LIPC: variants seen among roughly 807,000 people sequenced by gnomAD.
LIPC encodes the protein lipase C, hepatic type, also known as hepatic triacylglycerol lipase.
A neutral mutation model predicts 50.7 loss-of-function variants in LIPC; 44 were observed. The observed-to-expected ratio is 0.87, with a 90% CI of 0.68 to 1.11. LIPC has a LOEUF of 1.11. LIPC is among the 50% of genes most tolerant of loss of function. The pLI, the probability that LIPC is intolerant of heterozygous loss-of-function variation, is 0.00. For missense variants in LIPC, 697 were observed against 648.2 expected, an observed-to-expected ratio of 1.08 and a Z score of -0.82; for synonymous variants, 271 against 256.4, an observed-to-expected ratio of 1.06 and a Z score of -0.54.
At chr15:58,503,812 AG>A (rs749115710) in intron 1 of LIPC, among the ~76,000 whole-genome samples, 4 of 152,160 alleles carry the variant, frequency 2.6e-5, no homozygotes, top group Non-Finnish European at 4.4e-5. Flanking sequence ...ACCAAGGAGT[AG>A]GCATGCCAGG....
At chr15:58,538,311 C>T (rs529687421) in intron 1 of LIPC, 22 bp from the exon 2 acceptor site, 54 of 1,612,916 alleles carry the variant, frequency 3.3e-5, no homozygotes, top group Non-Finnish European at 4.2e-5. Flanking sequence ...GGCTAAGCAC[C>T]GTCCCCAATC....
At chr15:58,503,113 T>C (rs1892040064) in intron 1 of LIPC, among the ~76,000 whole-genome samples, 2 of 152,132 alleles carry the variant, frequency 1.3e-5, no homozygotes, top group Non-Finnish European at 2.9e-5. Flanking sequence ...CAATAAATGA[T>C]TATTATGGAC....
chr15:58,472,493 T>G (rs1039653234), intron 1 of LIPC, among the ~76,000 whole-genome samples: 1 of 150,762 alleles, frequency 6.6e-6, no homozygotes, highest in African/African-American at 2.4e-5. Flanking sequence ...TGCGAATCAC[T>G]TGATCCTGGG....
intron 2 of LIPC, among the ~76,000 whole-genome samples, chr15:58,539,144 T>G (rs1487610521): frequency 6.6e-6 from 1 of 152,184 alleles, no homozygotes; most frequent in Non-Finnish European, 1.5e-5. Context: ...ATCACATCTT[T>G]ATTCCAGGAA....
At chr15:58,560,837 T>A (rs758387926) in intron 6 of LIPC, 27 bp from the exon 7 acceptor site, 20 of 890,480 alleles carry the variant, frequency 2.2e-5, no homozygotes, top group Admixed American at 1.0e-4. Flanking sequence ...ATTATCTCTC[T>A]CTTTCTCTCT....
At chr15:58,462,723 G>GTC (rs1894397877) in intron 1 of LIPC, among the ~76,000 whole-genome samples, 1 of 152,122 alleles carries the variant, frequency 6.6e-6, no homozygotes. Flanking sequence ...TCCTGTGTGG[G>GTC]AGGAGCACAG....
intron 1 of LIPC, among the ~76,000 whole-genome samples, chr15:58,457,367 C>T (rs1894168613): frequency 6.6e-6 from 1 of 152,206 alleles, no homozygotes; most frequent in Admixed American, 6.5e-5. Context: ...GCTTCAGCCT[C>T]CCAAAGTGCT....
intron 7 of LIPC, 101 bp downstream of exon 7, chr15:58,561,082 AC>A (rs1894145487): frequency 1.3e-6 from 1 of 770,098 alleles, no homozygotes; most frequent in Non-Finnish European, 2.4e-6. Context: ...AGCTACAACT[AC>A]TTTATTCCAG....
chr15:58,457,544 C>T (rs1894177875), intron 1 of LIPC, among the ~76,000 whole-genome samples: 1 of 152,216 alleles, frequency 6.6e-6, no homozygotes, highest in African/African-American at 2.4e-5. Context: ...CTCTGTGCCC[C>T]ACATCCCCTC....
intron 1 of LIPC, chr15:58,432,443 G>C (rs961464559): frequency 1.1e-5 from 4 of 361,968 alleles, no homozygotes; most frequent in Non-Finnish European, 2.1e-5. Flanking sequence ...AGATCTTCCT[G>C]AGAGTTAATG....
chr15:58,466,856 T>A (rs1262326891), intron 1 of LIPC, among the ~76,000 whole-genome samples: 1 of 152,206 alleles, frequency 6.6e-6, no homozygotes, highest in African/African-American at 2.4e-5. Flanking sequence ...TGTAATCACT[T>A]CGTAAAGTTG....
At chr15:58,512,431 A>C (rs938471187) in intron 1 of LIPC, among the ~76,000 whole-genome samples, 1 of 152,128 alleles carries the variant, frequency 6.6e-6, no homozygotes, top group Admixed American at 6.6e-5. Context: ...ACAATGTTTT[A>C]TTTTGCTTTT....
At chr15:58,432,174 T>C (rs1893146033) in intron 1 of LIPC, 54 bp downstream of exon 1, 1 of 1,297,662 alleles carries the variant, frequency 7.7e-7, no homozygotes, top group East Asian at 2.3e-5. Context: ...TTTTAAAACG[T>C]GTGTCACAAA....
At chr15:58,495,365 C>T (rs755423980) in intron 1 of LIPC, among the ~76,000 whole-genome samples, 3 of 152,238 alleles carry the variant, frequency 2.0e-5, no homozygotes, top group African/African-American at 7.2e-5. Flanking sequence ...ATGCAACCTT[C>T]GTAGATACTC....
intron 1 of LIPC, among the ~76,000 whole-genome samples, chr15:58,506,443 G>C (rs1018200857): frequency 6.6e-6 from 1 of 152,172 alleles, no homozygotes; most frequent in East Asian, 1.9e-4. Flanking sequence ...GTCCAGATCA[G>C]GAGAGAGGCC....
At chr15:58,497,112 T>A (rs1891800283) in intron 1 of LIPC, among the ~76,000 whole-genome samples, 1 of 152,368 alleles carries the variant, frequency 6.6e-6, no homozygotes, top group East Asian at 1.9e-4. Context: ...GAGCTGCCAC[T>A]GAGGAAGACA....
chr15:58,478,067 G>A (rs541384513), intron 1 of LIPC, among the ~76,000 whole-genome samples: 2 of 152,032 alleles, frequency 1.3e-5, no homozygotes, highest in Non-Finnish European at 2.9e-5. Flanking sequence ...TCCCCCCATA[G>A]CTCAGTGTAC....
chr15:58,565,434 G>A (rs1277102722), intron 8 of LIPC: 1 of 1,429,304 alleles, frequency 7.0e-7, no homozygotes, highest in Non-Finnish European at 9.1e-7. Context: ...TGGTACGGAA[G>A]AAGAAATGAG....
chr15:58,553,244 C>T (rs763428311), intron 6 of LIPC, among the ~76,000 whole-genome samples: 3 of 152,102 alleles, frequency 2.0e-5, no homozygotes, highest in Admixed American at 6.5e-5. Flanking sequence ...CAGTCCTGGC[C>T]GCACACACAC....
Sources: gnomAD v4.1 joint callset for allele counts (sites outside exome capture counted in the v4.1 genomes callset) on GRCh38, gnomAD v4.1.1 for gene constraint, MANE v1.5 for transcripts, NCBI Gene and HGNC (gene_info 2026-07-23, HGNC 2026-07-21) for gene names.